Variants in REV3L observed in about 807,000 individuals in gnomAD.
REV3L encodes the protein DNA polymerase zeta catalytic subunit.
In REV3L, 69 loss-of-function variants were observed where a neutral mutation model predicts 299.4. The observed-to-expected ratio is 0.23, with a 90% CI of 0.19 to 0.28. The LOEUF is 0.28. Among genes scored for constraint, REV3L ranks in the 10% least tolerant of loss-of-function variants. REV3L has a pLI of 1.00. For synonymous variants in REV3L, 1,238 were observed against 1,271.4 expected (o/e 0.97, Z 0.56); for missense variants, 3,128 against 3,693.8 (o/e 0.85, Z 3.97).
intron 25 of REV3L, among the ~76,000 whole-genome samples, chr6:111,327,177 T>C (rs4947113): frequency 0.12 from 18,607 of 152,174 alleles, 2,060 homozygotes; most frequent in East Asian, 0.36. Flanking sequence ...ATTTTAAAAA[T>C]AGTATAATTT....
chr6:111,369,935 CAAGTG>C (rs1207375529), intron 13 of REV3L, among the ~76,000 whole-genome samples: 2 of 151,512 alleles, frequency 1.3e-5, no homozygotes, highest in African/African-American at 4.9e-5. Flanking sequence ...CTCCCTGGTT[CAAGTG>C]ATTCTCCTGC....
In REV3L at chr6:111,343,913, A is replaced by T. The variant is rs1776780376; in HGVS notation, c.7538+12T>A. The stretch of plus-strand genomic sequence containing the variant: ...ATTTTATATTACCTTCTTCAGAGTT[A>T]TAGAACAGTACCTGTATAGATCTGT... On this transcript the variant is annotated intron_variant, in intron 21 of 31. Transcript: ENST00000368802. 6.8e-7 allele frequency: 1 copy of T among 1,461,438 alleles called. No homozygotes were observed. The highest frequency in any genetic ancestry group is 9.4e-7 in the Non-Finnish European group (1 of 1,062,478). 90.5% of individuals were successfully genotyped at this position (1,461,438 alleles called of 1,614,324 possible). A position where few individuals can be genotyped will look rare whatever the true frequency, so the allele number is the denominator to read the frequency against.
At position 111,307,272 on chromosome 6, in the gene REV3L, T is replaced by C. The variant is rs543098106; in HGVS notation, c.9252+89A>G. The C allele has an allele frequency of 2.6e-6, 3 of 1,148,434 alleles. No individual in the cohort carries two copies. The African/African-American group carries it at 4.5e-5, about 17-fold the overall frequency. 71.1% of individuals were successfully genotyped at this position (1,148,434 alleles called of 1,614,324 possible). A position where few individuals can be genotyped will look rare whatever the true frequency, so the allele number is the denominator to read the frequency against. On this transcript the variant is annotated intron_variant, in intron 31 of 31. Transcript: ENST00000368802. ...CTTCATTTCACTTTTCACACCAGTT[T>C]TGTATCTCACACTATAATTCAAGAG...
chr6:111,344,002 A>G lies in REV3L; in HGVS notation c.7461T>C (p.His2487=). ...AGAGGGGAAAACGCTGATGAAGAAC[A>G]TGAAAGCTCACATTTTCAAAGGTGT... is the stretch of plus-strand genomic sequence containing the variant. ...TNYTFENVSF[H]VLHQRFPLFT... is the part of the protein sequence containing the mutation. Residue 2487 remains histidine (H), a synonymous_variant, in exon 21 of 32, where the codon CAT becomes CAC. Coordinates refer to ENST00000368802, the MANE Select transcript of REV3L (RefSeq NM_001372078.1). 6.2e-7 allele frequency: 1 copy of G among 1,612,656 alleles called. No individual in the cohort carries two copies. Among genetic ancestry groups the G allele is most frequent in the African/African-American group, 1.3e-5 (1 of 74,990 alleles).
At chr6:111,344,525 A>G (rs1462301226) in intron 20 of REV3L, among the ~76,000 whole-genome samples, 3 of 152,222 alleles carry the variant, frequency 2.0e-5, no homozygotes, top group Non-Finnish European at 4.4e-5. Context: ...CTACACAGAC[A>G]TTATAGAGCC....
At chr6:111,420,967 C>T (rs1785277593) in intron 1 of REV3L, among the ~76,000 whole-genome samples, 3 of 152,084 alleles carry the variant, frequency 2.0e-5, no homozygotes, top group South Asian at 4.1e-4. Context: ...GGTGAAACCC[C>T]TCTCCACTAA....
intron 1 of REV3L, among the ~76,000 whole-genome samples, chr6:111,481,018 C>A (rs1311999428): frequency 6.6e-6 from 1 of 152,064 alleles, no homozygotes; most frequent in Non-Finnish European, 1.5e-5. Context: ...CAGTGAAACT[C>A]ATTTATTTCC....
At chr6:111,301,656 T>C (rs1378524607) in intron 31 of REV3L, among the ~76,000 whole-genome samples, 1 of 152,180 alleles carries the variant, frequency 6.6e-6, no homozygotes, top group Non-Finnish European at 1.5e-5. Context: ...AGCCTAAGAA[T>C]CTGTACTTCT....
At chr6:111,381,543 C>T (rs1780829083) in intron 9 of REV3L, 99 bp from the exon 10 acceptor site, 9 of 1,016,490 alleles carry the variant, frequency 8.9e-6, no homozygotes, top group Non-Finnish European at 1.3e-5. Context: ...CCATATAAAC[C>T]TATTTTAAAT....
At chr6:111,402,654 C>T (rs1255531019) in intron 4 of REV3L, among the ~76,000 whole-genome samples, 1 of 152,126 alleles carries the variant, frequency 6.6e-6, no homozygotes, top group Non-Finnish European at 1.5e-5. Context: ...TCCCTGGTGA[C>T]TTTTCAGAGC....
At chr6:111,459,764 A>G (rs995112425) in intron 1 of REV3L, among the ~76,000 whole-genome samples, 1 of 152,178 alleles carries the variant, frequency 6.6e-6, no homozygotes, top group South Asian at 2.1e-4. Flanking sequence ...AAGTCAATAA[A>G]TAACAGATCT....
chr6:111,356,888 GC>G (rs1778147061), intron 18 of REV3L, 125 bp downstream of exon 18: 1 of 435,518 alleles, frequency 2.3e-6, no homozygotes, highest in Non-Finnish European at 4.2e-6. Context: ...GAGTAACTCT[GC>G]TTTCAAGGGT....
chr6:111,459,911 T>C (rs186659591), intron 1 of REV3L, among the ~76,000 whole-genome samples: 63 of 152,264 alleles, frequency 4.1e-4, no homozygotes, highest in African/African-American at 1.5e-3. Flanking sequence ...GCAATCCCAT[T>C]ACTGGGTATA....
At chr6:111,300,478 C>CTTAT (rs746914559) in intron 31 of REV3L, among the ~76,000 whole-genome samples, 1 of 152,212 alleles carries the variant, frequency 6.6e-6, no homozygotes, top group South Asian at 2.1e-4. Flanking sequence ...CTTACATGAA[C>CTTAT]TATAAACACG....
intron 1 of REV3L, among the ~76,000 whole-genome samples, chr6:111,422,863 A>G (rs897853087): frequency 2.0e-5 from 3 of 151,396 alleles, no homozygotes; most frequent in Non-Finnish European, 4.4e-5. Flanking sequence ...TGGAGTTTCA[A>G]ATTTATTTAT....
intron 3 of REV3L, among the ~76,000 whole-genome samples, chr6:111,410,215 T>C (rs1403124721): frequency 2.4e-4 from 36 of 152,046 alleles, no homozygotes; most frequent in Admixed American, 2.2e-3. Context: ...GAAAAAATAA[T>C]AAATGAACAA....
At chr6:111,385,981 G>T (rs949703183) in intron 9 of REV3L, among the ~76,000 whole-genome samples, 2 of 152,164 alleles carry the variant, frequency 1.3e-5, no homozygotes, top group African/African-American at 4.8e-5. Flanking sequence ...TTGAGGCTTT[G>T]CTTGCCTAGT....
chr6:111,437,939 G>C (rs896938993), intron 1 of REV3L, among the ~76,000 whole-genome samples: 38 of 152,008 alleles, frequency 2.5e-4, no homozygotes, highest in African/African-American at 8.9e-4. Flanking sequence ...CTGCAGGTCT[G>C]ACCACCTGGC....
At chr6:111,447,224 A>G (rs1451229399) in intron 1 of REV3L, among the ~76,000 whole-genome samples, 1 of 152,204 alleles carries the variant, frequency 6.6e-6, no homozygotes, top group East Asian at 1.9e-4. Flanking sequence ...CTTAGCCTTT[A>G]GCCTCTTGCC....
Sources: gnomAD v4.1 joint callset for allele counts (sites outside exome capture counted in the v4.1 genomes callset) on GRCh38, gnomAD v4.1.1 for gene constraint, MANE v1.5 for transcripts, NCBI Gene and HGNC (gene_info 2026-07-23, HGNC 2026-07-21) for gene names.